The following INPP5B variants were observed in gnomAD, a reference collection of about 807,000 sequenced individuals.
INPP5B encodes inositol polyphosphate-5-phosphatase B.
In INPP5B, 90 loss-of-function variants were observed where a neutral mutation model predicts 118.5. The observed-to-expected ratio is 0.76, with a 90% CI of 0.64 to 0.90. The LOEUF is 0.90. Among genes scored for constraint, INPP5B ranks in the 40% least tolerant of loss-of-function variants. The probability of loss-of-function intolerance (pLI) is 0.00; values close to 1 mark genes in which losing one functional copy is unlikely to be tolerated. For synonymous variants in INPP5B, 385 were observed against 418.9 expected (o/e 0.92, Z 0.99); for missense variants, 984 against 1,125.6 (o/e 0.87, Z 1.80).
chr1:37,878,392 G>A, intron 15 of INPP5B, 69 bp from the exon 16 acceptor site: 1 of 1,587,368 alleles, frequency 6.3e-7, no homozygotes, highest in South Asian at 1.1e-5. Context: ...CGAGTGCCCT[G>A]GCTCAGGTGG....
In INPP5B at chr1:37,862,415, C is replaced by A. The variant is rs1452513386; in HGVS notation, c.2642G>T (p.Ser881Ile). The change falls in exon 24 of 24, where the codon AGC becomes ATC. Residue 881 changes from serine (S) to isoleucine (I), a missense_variant. Ser to Ile is a moderately radical substitution (Grantham distance 142). This residue lies in a region of INPP5B where 634 missense variants were observed against 791.0 expected (regional missense o/e 0.80). Transcript: ENST00000373024. Reference sequence around the variant, plus strand: ...ACCAGCTGGGTTTCGAAGCAATAAGCTGCCAAATATGCTAGCTGCAAGAAA... The same window carrying A: ...ACCAGCTGGGTTTCGAAGCAATAAGATGCCAAATATGCTAGCTGCAAGAAA... ...DENILASIFG[S>I]LLLRNPAGHQ... The A allele has an allele frequency of 4.3e-6, 7 of 1,611,388 alleles. No individual in the cohort carries two copies. The highest frequency in any genetic ancestry group is 5.9e-6 in the Non-Finnish European group (7 of 1,177,578).
At chr1:37,940,592 A>G (rs553468896) in intron 6 of INPP5B, 96 bp downstream of exon 6, 7 of 706,874 alleles carry the variant, frequency 9.9e-6, no homozygotes, top group East Asian at 2.6e-5. Context: ...CACAGAAACC[A>G]TGGGGTAAGA....
At chr1:37,901,699 T>C (rs1030058976) in intron 7 of INPP5B, among the ~76,000 whole-genome samples, 2 of 152,180 alleles carry the variant, frequency 1.3e-5, no homozygotes, top group Admixed American at 6.6e-5. Context: ...TAAGGCATGA[T>C]GTGGGGGATT....
At chr1:37,943,748 T>TG (rs562209966) in intron 4 of INPP5B, 48 bp downstream of exon 4, 2 of 1,610,520 alleles carry the variant, frequency 1.2e-6, no homozygotes, top group African/African-American at 1.3e-5. Context: ...AAAGATGAGC[T>TG]GGGGGGCCCA....
intron 7 of INPP5B, among the ~76,000 whole-genome samples, chr1:37,910,398 G>T (rs1377023309): frequency 6.6e-6 from 1 of 152,034 alleles, no homozygotes; most frequent in East Asian, 1.9e-4. Context: ...CACCTGCCCA[G>T]CTCCCTTATT....
intron 7 of INPP5B, among the ~76,000 whole-genome samples, chr1:37,916,866 T>C (rs1279429618): frequency 1.3e-5 from 2 of 152,142 alleles, no homozygotes; most frequent in Non-Finnish European, 2.9e-5. Context: ...CCTTTTGCTC[T>C]ATTTCCTCCT....
chr1:37,864,583 C>T (rs953679787), intron 22 of INPP5B, 160 bp from the exon 23 acceptor site: 17 of 506,132 alleles, frequency 3.4e-5, no homozygotes, highest in Admixed American at 1.1e-4. Flanking sequence ...AAGAGAGGTA[C>T]GGGTCAAATG....
At chr1:37,900,443 CG>C (rs1644288962) in intron 7 of INPP5B, among the ~76,000 whole-genome samples, 1 of 148,946 alleles carries the variant, frequency 6.7e-6, no homozygotes, top group African/African-American at 2.5e-5. Context: ...TTAGTAGAGA[CG>C]GGGTTTCACA....
Position 37,868,607 on chromosome 1 carries a change from A to G in INPP5B, c.2195T>C (p.Met732Thr). Residue 732 changes from methionine (M) to threonine (T), a missense_variant, in exon 20 of 24, where the codon ATG (methionine) becomes ACG (threonine). This residue lies in a region of INPP5B where 634 missense variants were observed against 791.0 expected (regional missense o/e 0.80). Transcript: ENST00000373024. The stretch of plus-strand genomic sequence containing the variant: ...CCCATCATCTCCAGTCCATACTGGC[A>G]TCAGAGTCTGGAAAGCAATCAAGAT... The part of the protein sequence containing the change: ...PLETISELTL[M>T]PVWTGDDGSQ... The G allele has an allele frequency of 6.2e-7, 1 of 1,603,820 alleles. No homozygotes were observed. The highest frequency in any genetic ancestry group is 8.5e-7 in the Non-Finnish European group (1 of 1,170,536).
At chr1:37,881,842 G>A (rs1027932489) in intron 14 of INPP5B, among the ~76,000 whole-genome samples, 3 of 152,190 alleles carry the variant, frequency 2.0e-5, no homozygotes, top group Admixed American at 6.5e-5. Context: ...GCTCATGCCT[G>A]TAATCCCAGT....
intron 15 of INPP5B, among the ~76,000 whole-genome samples, chr1:37,879,461 A>T (rs1324313999): frequency 6.6e-6 from 1 of 152,064 alleles, no homozygotes; most frequent in Non-Finnish European, 1.5e-5. Context: ...ATGAGAAAAT[A>T]ACAAGGGCAT....
chr1:37,880,198 T>C lies in INPP5B; in HGVS notation c.1432-4A>G, dbSNP rs1262263554. 4 of 1,597,722 alleles carry C rather than the reference T, an allele frequency of 2.5e-6. No homozygotes were observed. Among genetic ancestry groups the C allele is most frequent in the African/African-American group, 1.3e-5 (1 of 74,570 alleles). The stretch of plus-strand genomic sequence containing the variant: ...TTGCGGCCACCTGAATTTTCAGCTA[T>C]ACAAAAGGATGGGAGAAAAAAAAAT... On this transcript the variant is annotated splice_polypyrimidine_tract_variant and splice_region_variant and intron_variant, in intron 14 of 23. Coordinates refer to ENST00000373024, the MANE Select transcript of INPP5B (RefSeq NM_005540.3).
At chr1:37,901,775 A>G (rs1644340874) in intron 7 of INPP5B, among the ~76,000 whole-genome samples, 1 of 152,074 alleles carries the variant, frequency 6.6e-6, no homozygotes. Context: ...TGGCTGTCAG[A>G]GCAGCTCTTG....
intron 7 of INPP5B, among the ~76,000 whole-genome samples, chr1:37,919,307 T>C (rs184240218): frequency 1.2e-4 from 19 of 152,250 alleles, no homozygotes; most frequent in Non-Finnish European, 1.9e-4. Flanking sequence ...CCCTCCTATC[T>C]TCTCAGTCAC....
At chr1:37,910,763 G>A (rs919330860) in intron 7 of INPP5B, among the ~76,000 whole-genome samples, 4 of 151,870 alleles carry the variant, frequency 2.6e-5, no homozygotes, top group Non-Finnish European at 4.4e-5. Context: ...AAAACTACAC[G>A]AGTCTTACAG....
Position 37,941,958 on chromosome 1 carries a change from A to AATATAT in INPP5B, c.281-1166_281-1161dup, listed in dbSNP as rs1553163169. On this transcript the variant is annotated intron_variant, in intron 5 of 23. Coordinates refer to ENST00000373024, the MANE Select transcript of INPP5B (RefSeq NM_005540.3). ...GTCTCAAAAAAAAAAAAAAAAAAAA[A>AATATAT]ATATATATATATATATAAAATAAAA... 1.2e-3 allele frequency: 35 copies of AATATAT among 30,358 alleles called. 1 individual carries two copies. Among genetic ancestry groups the AATATAT allele is most frequent in the Admixed American group, 4.8e-3 (16 of 3,304 alleles). 1.9% of individuals were successfully genotyped at this position (30,358 alleles called of 1,614,324 possible).
At chr1:37,883,965 AAAGAG>A in intron 13 of INPP5B, 2 of 538,956 alleles carry the variant, frequency 3.7e-6, no homozygotes, top group Non-Finnish European at 4.7e-6. Flanking sequence ...GAGATAAAGT[AAAGAG>A]AAGAAACAAA....
chr1:37,931,850 A>G lies in INPP5B; in HGVS notation c.532+63T>C, dbSNP rs746822136. 28 of 1,611,756 alleles carry G rather than the reference A, an allele frequency of 1.7e-5. No individual in the cohort carries two copies. The Admixed American group carries it at 2.5e-4, about 14-fold the overall frequency. On this transcript the variant is annotated intron_variant, in intron 7 of 23. Transcript: ENST00000373024. Reference sequence around the variant, plus strand: ...ATCGCTCCGCCCCAAAACAGAACGGAGCCCGCCCCCTGTGGCCGGGCCTCC... The same window carrying G: ...ATCGCTCCGCCCCAAAACAGAACGGGGCCCGCCCCCTGTGGCCGGGCCTCC...
At chr1:37,871,223 T>C (rs12745570) in intron 19 of INPP5B, among the ~76,000 whole-genome samples, 88,011 of 146,704 alleles carry the variant, frequency 0.6, 27,968 homozygotes, top group Non-Finnish European at 0.72. Flanking sequence ...TTTGGGAAGC[T>C]GGGGCGGGCA....
Sources: gnomAD v4.1 joint callset for allele counts (sites outside exome capture counted in the v4.1 genomes callset) on GRCh38, gnomAD v4.1.1 for gene constraint, gnomAD v4.1.1 regional missense constraint, MANE v1.5 for transcripts, NCBI Gene and HGNC (gene_info 2026-07-23, HGNC 2026-07-21) for gene names.